FGF17: variants seen among roughly 807,000 people sequenced by gnomAD.
FGF17 encodes fibroblast growth factor 17.
In FGF17, 5 loss-of-function variants were observed where a neutral mutation model predicts 23.5. The ratio of observed to expected loss-of-function variants is 0.21; its 90% CI spans 0.11 to 0.45. The LOEUF (loss-of-function observed/expected upper bound fraction) is 0.45, where lower values mean the gene tolerates loss of function less well. Among genes scored for constraint, FGF17 ranks in the 20% least tolerant of loss-of-function variants. FGF17 has a pLI of 0.99. For missense variants in FGF17, 221 were observed against 306.9 expected (o/e 0.72, Z 2.09); for synonymous variants, 136 against 123.0 (o/e 1.11, Z -0.70).
chr8:22,043,305 G>A, intron 2 of FGF17, 124 bp downstream of exon 2: 1 of 976,864 alleles, frequency 1.0e-6, no homozygotes, highest in Non-Finnish European at 1.6e-6. Context: ...GGGTCCAGGA[G>A]GCACTGAGGT....
chr8:22,044,766 G>T, intron 2 of FGF17: 1 of 985,478 alleles, frequency 1.0e-6, no homozygotes, highest in Non-Finnish European at 1.2e-6. Context: ...CACAGTAAGT[G>T]TTAACCCCGC....
chr8:22,045,754 G>T (rs1800850808), intron 2 of FGF17: 1 of 1,188,174 alleles, frequency 8.4e-7, no homozygotes, highest in African/African-American at 1.6e-5. Context: ...TAGGGACAGG[G>T]GTTCTGTCCC....
intron 4 of FGF17, among the ~76,000 whole-genome samples, 174 bp downstream of exon 4, chr8:22,046,807 G>T (rs1800880447): frequency 6.6e-6 from 1 of 152,268 alleles, no homozygotes; most frequent in Admixed American, 6.5e-5. Flanking sequence ...TAGAGTCCGG[G>T]TCTTGCTCTG....
At chr8:22,043,439 C>T (rs1312368053) in intron 2 of FGF17, among the ~76,000 whole-genome samples, 2 of 152,216 alleles carry the variant, frequency 1.3e-5, no homozygotes, top group African/African-American at 4.8e-5. Flanking sequence ...CCTCCCTCTC[C>T]ATCGGGTTCC....
chr8:22,048,359 A>G lies in FGF17; in HGVS notation c.*110A>G. 2 of 1,010,600 alleles carry G rather than the reference A, an allele frequency of 2.0e-6. No individual in the cohort carries two copies. Among genetic ancestry groups the G allele is most frequent in the Non-Finnish European group, 2.8e-6 (2 of 708,008 alleles). The allele number at this position is 1,010,600 out of a possible 1,614,324, so 62.6% of individuals were successfully genotyped here. A position where few individuals can be genotyped will look rare whatever the true frequency, so the allele number is the denominator to read the frequency against. On this transcript the variant is annotated 3_prime_UTR_variant, in exon 5 of 5. Transcript: ENST00000359441. The surrounding 1 kb of genome is among the most constrained non-coding windows in gnomAD (Gnocchi z 6.9). The stretch of plus-strand genomic sequence containing the variant: ...AGGGGAGCCAGATCCCCGAGGGAGG[A>G]CCCTGAGGGCCGCGAAGCATCCGAG...
chr8:22,041,669 T>C (rs893283963), upstream of FGF17, among the ~76,000 whole-genome samples: 1 of 152,186 alleles, frequency 6.6e-6, no homozygotes, highest in Non-Finnish European at 1.5e-5. Flanking sequence ...TGAAGCAGGT[T>C]TGGGGCTGGA....
upstream of FGF17, chr8:22,042,767 T>G: frequency 2.0e-6 from 1 of 495,662 alleles, no homozygotes; most frequent in Non-Finnish European, 3.8e-6. Context: ...TCCTCCTCCC[T>G]CTTTTCTCTC....
chr8:22,048,173 A>T lies in FGF17; in HGVS notation c.575A>T (p.Gln192Leu), dbSNP rs1467857194. Reference protein sequence around the residue: ...QLPFPNHAEKQKQFEFVGSAP... With the variant: ...QLPFPNHAEKLKQFEFVGSAP... Reference sequence around the variant, plus strand: ...CCCTTCCCCAACCACGCCGAGAAGCAGAAGCAGTTCGAGTTTGTGGGCTCC... The same window carrying T: ...CCCTTCCCCAACCACGCCGAGAAGCTGAAGCAGTTCGAGTTTGTGGGCTCC... The change falls in exon 5 of 5, where the codon CAG (glutamine) becomes CTG (leucine). Residue 192 changes from glutamine (Q) to leucine (L), a missense_variant. Around this residue, in one of 3 missense-constraint regions of FGF17, gnomAD observed 128 missense variants for 150.4 expected, o/e 0.85. Coordinates refer to ENST00000359441, the MANE Select transcript of FGF17 (RefSeq NM_003867.4). The surrounding 1 kb of genome is among the most constrained non-coding windows in gnomAD (Gnocchi z 6.9). The T allele has an allele frequency of 6.2e-7, 1 of 1,613,028 alleles. No homozygotes were observed. The highest frequency in any genetic ancestry group is 8.5e-7 in the Non-Finnish European group (1 of 1,179,804).
chr8:22,044,350 G>A (rs943420282), intron 2 of FGF17, among the ~76,000 whole-genome samples: 1 of 152,148 alleles, frequency 6.6e-6, no homozygotes, highest in South Asian at 2.1e-4. Context: ...GTCTGCAGTG[G>A]TGGAAGGGGA....
chr8:22,044,329 G>T (rs1800809170), intron 2 of FGF17, among the ~76,000 whole-genome samples: 1 of 152,128 alleles, frequency 6.6e-6, no homozygotes, highest in Non-Finnish European at 1.5e-5. Context: ...GGGGCTGTCT[G>T]ACAAGCAGCT....
At position 22,048,271 on chromosome 8, in the gene FGF17, G is replaced by A. The variant is rs1563367408; in HGVS notation, c.*22G>A. 6.4e-7 allele frequency: 1 copy of A among 1,558,020 alleles called. No homozygotes were observed. The highest frequency in any genetic ancestry group is 1.9e-5 in the Admixed American group (1 of 52,754). On this transcript the variant is annotated 3_prime_UTR_variant, in exon 5 of 5. Coordinates refer to ENST00000359441, the MANE Select transcript of FGF17 (RefSeq NM_003867.4). The surrounding 1 kb of genome is among the most constrained non-coding windows in gnomAD (Gnocchi z 6.9). The stretch of plus-strand genomic sequence containing the variant: ...GTAGTCTGGGAGGCAGGGGGCAGCA[G>A]CCCCTGGGCCGCCTCCCCACCCCTT...
upstream of FGF17, among the ~76,000 whole-genome samples, chr8:22,041,477 G>C (rs1167328367): frequency 6.6e-6 from 1 of 152,186 alleles, no homozygotes; most frequent in African/African-American, 2.4e-5. Context: ...TGAGGCCTGA[G>C]CTCTGCTTGC....
Position 22,048,326 on chromosome 8 carries a change from G to C in FGF17, c.*77G>C. 7.8e-7 allele frequency: 1 copy of C among 1,275,990 alleles called. No individual in the cohort carries two copies. Among genetic ancestry groups the C allele is most frequent in the South Asian group, 1.5e-5 (1 of 66,730 alleles). 79.0% of individuals were successfully genotyped at this position (1,275,990 alleles called of 1,614,324 possible). On this transcript the variant is annotated 3_prime_UTR_variant, in exon 5 of 5. Coordinates refer to ENST00000359441, the MANE Select transcript of FGF17 (RefSeq NM_003867.4). The surrounding 1 kb of genome is among the most constrained non-coding windows in gnomAD (Gnocchi z 6.9). Reference sequence around the variant, plus strand: ...TTCTTAATCCAAGGACTGGGCTGGGGTGGCGGGAGGGGAGCCAGATCCCCG... The same window carrying C: ...TTCTTAATCCAAGGACTGGGCTGGGCTGGCGGGAGGGGAGCCAGATCCCCG...
Position 22,046,625 on chromosome 8 carries a change from A to G in FGF17, c.349A>G (p.Ile117Val), listed in dbSNP as rs118120728. Residue 117 changes from isoleucine (I) to valine (V), a missense_variant, in exon 4 of 5, where the codon ATC becomes GTC. Coordinates refer to ENST00000359441, the MANE Select transcript of FGF17 (RefSeq NM_003867.4). ...CTGTATGAACAAGAGGGGCAAGCTC[A>G]TCGGGAAGGTGAGGCTGGGAGACTG... Reference protein sequence around the residue: ...YICMNKRGKLIGKPSGKSKDC... With the variant: ...YICMNKRGKLVGKPSGKSKDC... The G allele has an allele frequency of 1.9e-5, 31 of 1,608,876 alleles. No individual in the cohort carries two copies. The highest frequency in any genetic ancestry group is 2.5e-5 in the Non-Finnish European group (29 of 1,175,282).
chr8:22,043,369 T>C (rs903793299), intron 2 of FGF17, among the ~76,000 whole-genome samples, 188 bp downstream of exon 2: 3 of 151,604 alleles, frequency 2.0e-5, no homozygotes, highest in African/African-American at 7.3e-5. Context: ...CTGACTGAGG[T>C]TTTGTCTCTG....
rs954980067 is a variant in FGF17, at chr8:22,043,792, C to T, written c.72+611C>T. On this transcript the variant is annotated intron_variant, in intron 2 of 4. Coordinates refer to ENST00000359441, the MANE Select transcript of FGF17 (RefSeq NM_003867.4). ...CCATGCACACCTCCCACCCCCAAGT[C>T]TCAGCCCCCAGTGCGAGGCTTGCTC... 2.5e-4 allele frequency among the ~76,000 whole-genome samples: 37 copies of T among 147,012 alleles called. 1 individual carries two copies. The highest frequency in any genetic ancestry group is 4.5e-4 in the Non-Finnish European group (30 of 66,880).
upstream of FGF17, among the ~76,000 whole-genome samples, chr8:22,039,722 C>T (rs778318392): frequency 6.6e-6 from 1 of 152,078 alleles, no homozygotes; most frequent in African/African-American, 2.4e-5. Context: ...GAATGAAACT[C>T]CGTCTCAAAA....
intron 2 of FGF17, among the ~76,000 whole-genome samples, chr8:22,044,382 T>C (rs1048108676): frequency 6.7e-6 from 1 of 149,954 alleles, no homozygotes; most frequent in African/African-American, 2.5e-5. Flanking sequence ...AGCGGGAACA[T>C]GAAAGGGACA....
At position 22,048,327 on chromosome 8, in the gene FGF17, T is replaced by A; in HGVS notation, c.*78T>A. The A allele has an allele frequency of 7.9e-7, 1 of 1,271,036 alleles. No individual in the cohort carries two copies. The highest frequency in any genetic ancestry group is 1.1e-6 in the Non-Finnish European group (1 of 934,840). 78.7% of individuals were successfully genotyped at this position (1,271,036 alleles called of 1,614,324 possible). On this transcript the variant is annotated 3_prime_UTR_variant, in exon 5 of 5. Transcript: ENST00000359441. The surrounding 1 kb of genome is among the most constrained non-coding windows in gnomAD (Gnocchi z 6.9). The stretch of plus-strand genomic sequence containing the variant: ...TCTTAATCCAAGGACTGGGCTGGGG[T>A]GGCGGGAGGGGAGCCAGATCCCCGA...
Sources: allele counts gnomAD v4.1 joint callset (sites outside exome capture counted in the v4.1 genomes callset), GRCh38; gene constraint gnomAD v4.1.1; regional missense constraint gnomAD v4.1.1; non-coding constraint Gnocchi (gnomAD v3.1); transcripts MANE v1.5; gene names NCBI Gene and HGNC (gene_info 2026-07-23, HGNC 2026-07-21).